MUC5AC: variants seen among roughly 807,000 people sequenced by gnomAD.
MUC5AC encodes mucin-5AC.
A neutral mutation model predicts 169.7 loss-of-function variants in MUC5AC; 158 were observed. The observed-to-expected ratio is 0.93, with a 90% CI of 0.82 to 1.06. The LOEUF (loss-of-function observed/expected upper bound fraction) is 1.06. Ranked by LOEUF, MUC5AC falls within the 50% of genes least tolerant of loss-of-function variation. The pLI, the probability that MUC5AC is intolerant of heterozygous loss-of-function variation, is 0.00. For missense variants in MUC5AC, 4,359 were observed against 3,089.9 expected (o/e 1.41, Z -9.74); for synonymous variants, 1,975 against 1,237.0 (o/e 1.60, Z -12.52).
In MUC5AC at chr11:1,184,795, C is replaced by T. The variant is rs1860891346; in HGVS notation, c.6650C>T (p.Pro2217Leu). 53 of 655,532 alleles carry T rather than the reference C, an allele frequency of 8.1e-5. No homozygotes were observed. In the South Asian group the frequency reaches 9.1e-4, roughly 11 times the overall value. The allele number at this position is 655,532 out of a possible 1,614,324, so 40.6% of individuals were successfully genotyped here. ...YEVRVLCCET[P>L]KGCPVTSTPV... Reference sequence around the variant, plus strand: ...GTGCGTGTGCTCTGCTGCGAGACCCCCAAAGGCTGCCCCGTGACCTCCACA... The same window carrying T: ...GTGCGTGTGCTCTGCTGCGAGACCCTCAAAGGCTGCCCCGTGACCTCCACA... The change falls in exon 31 of 49, where the codon CCC becomes CTC. Residue 2217 changes from proline (P) to leucine (L), a missense_variant. Coordinates refer to ENST00000621226, the MANE Select transcript of MUC5AC (RefSeq NM_001304359.2).
rs1844749283 is a variant in MUC5AC at position 1,194,885 on chromosome 11, G to A, written c.15191-127G>A. The A allele has an allele frequency of 4.8e-6, 3 of 621,744 alleles. No homozygotes were observed. In the Admixed American group the frequency reaches 7.6e-5, roughly 16 times the overall value. 38.5% of individuals were successfully genotyped at this position (621,744 alleles called of 1,614,324 possible). A position where few individuals can be genotyped will look rare whatever the true frequency, so the allele number is the denominator to read the frequency against. Reference sequence around the variant, plus strand: ...AGGGTTGTTCTCGGGGGACAGTGAGGCACAGGCAGGGCCCGCTGCAGTTCA... The same window carrying A: ...AGGGTTGTTCTCGGGGGACAGTGAGACACAGGCAGGGCCCGCTGCAGTTCA... On this transcript the variant is annotated intron_variant, in intron 35 of 48. Transcript: ENST00000621226.
At position 1,187,543 on chromosome 11, in the gene MUC5AC, C is replaced by A. The variant is rs1554928265; in HGVS notation, c.9398C>A (p.Thr3133Asn). ...TPSPIPTTSTTSPPTTSTTSA... is the reference protein window; with the variant it reads ...TPSPIPTTSTNSPPTTSTTSA... ...AGCCCTATTCCTACCACCAGCACAA[C>A]CTCTCCTCCTACAACCAGCACAACT... The change falls in exon 31 of 49, where the codon ACC becomes AAC. Residue 3133 changes from threonine to asparagine, a missense_variant. Coordinates refer to ENST00000621226, the MANE Select transcript of MUC5AC (RefSeq NM_001304359.2). 1 of 751,304 alleles carries A rather than the reference C, an allele frequency of 1.3e-6. No homozygotes were observed. Among genetic ancestry groups the A allele is most frequent in the Non-Finnish European group, 2.4e-6 (1 of 411,412 alleles). 46.5% of individuals were successfully genotyped at this position (751,304 alleles called of 1,614,324 possible). A position where few individuals can be genotyped will look rare whatever the true frequency, so the allele number is the denominator to read the frequency against.
At chr11:1,167,587 C>T (rs1002681917) in intron 11 of MUC5AC, among the ~76,000 whole-genome samples, 5 of 152,234 alleles carry the variant, frequency 3.3e-5, no homozygotes, top group South Asian at 4.1e-4. Flanking sequence ...ACCCCTCTCT[C>T]GCCCAGCCCC....
rs1483058837 is a variant in MUC5AC, at chr11:1,190,355, T to C, written c.12210T>C (p.Pro4070=). The part of the protein sequence containing the change: ...TSTPVTAPST[P]SGRATSPTQS... ...CACCTGTGACAGCTCCTAGCACCCC[T>C]AGTGGGAGAGCCACCAGCCCAACTC... The change falls in exon 31 of 49, where the codon CCT becomes CCC. Residue 4070 remains proline (P), a synonymous_variant. Coordinates refer to ENST00000621226, the MANE Select transcript of MUC5AC (RefSeq NM_001304359.2). 1.5e-6 allele frequency: 1 copy of C among 655,578 alleles called. No homozygotes were observed. The highest frequency in any genetic ancestry group is 2.3e-5 in the Admixed American group (1 of 43,444). 40.6% of individuals were successfully genotyped at this position (655,578 alleles called of 1,614,324 possible).
Position 1,200,518 on chromosome 11 carries a change from TG to T in MUC5AC, c.16782del (p.His5595ThrfsTer153). 1.3e-6 allele frequency: 1 copy of T among 759,376 alleles called. No homozygotes were observed. The highest frequency in any genetic ancestry group is 2.4e-5 in the East Asian group (1 of 40,854). The allele number at this position is 759,376 out of a possible 1,614,324, so 47.0% of individuals were successfully genotyped here. A position where few individuals can be genotyped will look rare whatever the true frequency, so the allele number is the denominator to read the frequency against. On this transcript the variant is annotated frameshift_variant, in exon 49 of 49. Coordinates refer to ENST00000621226, the MANE Select transcript of MUC5AC (RefSeq NM_001304359.2). LOFTEE classifies it low-confidence loss of function (END_TRUNC). ...CGGACCTCGCTGAGGAATGTGACCCTGCACTGCACCGACGGCTCCAGCCGGG... is the reference window on the plus strand; with the variant it reads ...CGGACCTCGCTGAGGAATGTGACCCTCACTGCACCGACGGCTCCAGCCGGG... ...ELRTSLRNVTLHCTDGSSRAF... is the reference protein window; with the variant it reads ...ELRTSLRNVTXHCTDGSSRAF...
At chr11:1,166,535 C>T (rs1860340283) in intron 11 of MUC5AC, among the ~76,000 whole-genome samples, 1 of 127,796 alleles carries the variant, frequency 7.8e-6, no homozygotes. Flanking sequence ...CACGATGAGA[C>T]CCTGCACCCA....
chr11:1,158,531 G>A (rs991150272), intron 1 of MUC5AC, among the ~76,000 whole-genome samples: 1 of 152,158 alleles, frequency 6.6e-6, no homozygotes, highest in African/African-American at 2.4e-5. Flanking sequence ...CCTGCGGGGG[G>A]AGGTCTCAGC....
intron 42 of MUC5AC, 44 bp from the exon 43 acceptor site, chr11:1,198,224 G>T: frequency 2.7e-6 from 2 of 731,250 alleles, no homozygotes; most frequent in Non-Finnish European, 5.0e-6. Context: ...GGTGAGGGGA[G>T]AGTGGGCGGC....
At chr11:1,158,975 A>T (rs1048703689) in intron 1 of MUC5AC, among the ~76,000 whole-genome samples, 1 of 152,140 alleles carries the variant, frequency 6.6e-6, no homozygotes, top group Non-Finnish European at 1.5e-5. Flanking sequence ...TACCACCCTC[A>T]TCTCAGAAGC....
chr11:1,180,319 G>T (rs1590142997), intron 27 of MUC5AC, 35 bp from the exon 28 acceptor site: 1 of 398,598 alleles, frequency 2.5e-6, no homozygotes, highest in African/African-American at 2.1e-5. Flanking sequence ...GACGACACTC[G>T]GTCTGGTTGT....
rs1860154278 is a variant in MUC5AC, at chr11:1,161,979, A to G, written c.284A>G (p.Asp95Gly). Reference protein sequence around the residue: ...GSFHYKTFDGDVFRFPGLCNY... With the variant: ...GSFHYKTFDGGVFRFPGLCNY... The stretch of plus-strand genomic sequence containing the variant: ...TTCCACTACAAGACCTTCGACGGCG[A>G]CGTCTTCCGCTTCCCCGGCCTCTGC... Residue 95 changes from aspartate (D) to glycine (G), a missense_variant, in exon 4 of 49, where the codon GAC becomes GGC. Coordinates refer to ENST00000621226, the MANE Select transcript of MUC5AC (RefSeq NM_001304359.2). 6.2e-7 allele frequency: 1 copy of G among 1,612,262 alleles called. No individual in the cohort carries two copies. The highest frequency in any genetic ancestry group is 8.5e-7 in the Non-Finnish European group (1 of 1,179,746).
intron 6 of MUC5AC, among the ~76,000 whole-genome samples, chr11:1,163,530 G>C (rs754070015): frequency 6.6e-6 from 1 of 152,188 alleles, no homozygotes; most frequent in Non-Finnish European, 1.5e-5. Context: ...CTCAGTGCTG[G>C]GGGGGCTGGG....
rs201544030 is a variant in MUC5AC at position 1,165,343 on chromosome 11, G to A, written c.1171G>A (p.Val391Met). The A allele has an allele frequency of 6.2e-7, 1 of 1,612,400 alleles. No homozygotes were observed. The highest frequency in any genetic ancestry group is 1.1e-5 in the South Asian group (1 of 91,074). ...CATCGGCCAGACCGGCTGTGTCCCTGTGTCAAAGTGTGCCTGCGTCTACAA... is the reference window on the plus strand; with the variant it reads ...CATCGGCCAGACCGGCTGTGTCCCTATGTCAAAGTGTGCCTGCGTCTACAA... ...DDIGQTGCVPVSKCACVYNGA... is the reference protein window; with the variant it reads ...DDIGQTGCVPMSKCACVYNGA... The change falls in exon 10 of 49, where the codon GTG becomes ATG. Residue 391 changes from valine to methionine, a missense_variant. Coordinates refer to ENST00000621226, the MANE Select transcript of MUC5AC (RefSeq NM_001304359.2).
chr11:1,158,751 G>A lies in MUC5AC; in HGVS notation c.73+679G>A, dbSNP rs145379448. Among the ~76,000 whole-genome samples, 622 of 152,264 alleles carry A rather than the reference G, an allele frequency of 4.1e-3. 15 individuals carry two copies. Among genetic ancestry groups the A allele is most frequent in the Non-Finnish European group, 9.1e-4 (62 of 68,000 alleles). ...CATGGGGTAATGCCGGGGTTTGGAGGGGGGTGGGTGCTCCTGGGCTCCTGG... is the reference window on the plus strand; with the variant it reads ...CATGGGGTAATGCCGGGGTTTGGAGAGGGGTGGGTGCTCCTGGGCTCCTGG... On this transcript the variant is annotated intron_variant, in intron 1 of 48. Transcript: ENST00000621226.
Position 1,198,276 on chromosome 11 carries a change from G to C in MUC5AC, c.16144G>C (p.Val5382Leu), listed in dbSNP as rs75338404. 1.7e-5 allele frequency: 13 copies of C among 755,236 alleles called. No homozygotes were observed. The highest frequency in any genetic ancestry group is 6.9e-5 in the Admixed American group (4 of 57,660). The allele number at this position is 755,236 out of a possible 1,614,324, so 46.8% of individuals were successfully genotyped here. A position where few individuals can be genotyped will look rare whatever the true frequency, so the allele number is the denominator to read the frequency against. Residue 5382 changes from valine (V) to leucine (L), a missense_variant, in exon 43 of 49, where the codon GTG (valine) becomes CTG (leucine). Transcript: ENST00000621226. ...CCPVQNCSWTVCSINGTLYQP... is the reference protein window; with the variant it reads ...CCPVQNCSWTLCSINGTLYQP... The stretch of plus-strand genomic sequence containing the variant: ...TGTCTTCTCGTGGGCAGGCTGGACA[G>C]TGTGCAGCATCAACGGGACCCTGTA...
At position 1,191,640 on chromosome 11, in the gene MUC5AC, TC is replaced by T. The variant is rs1861102348; in HGVS notation, c.13496del (p.Ser4499LeufsTer186). ...TTSAPTTSTT[S>X]ASTASTTSGP... is the part of the protein sequence containing the mutation. Reference sequence around the variant, plus strand: ...CTCTGCTCCTACAACCAGCACAACCTCTGCCTCTACAGCCAGCACAACCTCT... The same window carrying T: ...CTCTGCTCCTACAACCAGCACAACCTTGCCTCTACAGCCAGCACAACCTCT... On this transcript the variant is annotated frameshift_variant, in exon 31 of 49. Coordinates refer to ENST00000621226, the MANE Select transcript of MUC5AC (RefSeq NM_001304359.2). LOFTEE classifies it high-confidence loss of function. 1 of 470,164 alleles carries T rather than the reference TC, an allele frequency of 2.1e-6. No homozygotes were observed. Among genetic ancestry groups the T allele is most frequent in the African/African-American group, 3.8e-5 (1 of 26,626 alleles). 29.1% of individuals were successfully genotyped at this position (470,164 alleles called of 1,614,324 possible). A position where few individuals can be genotyped will look rare whatever the true frequency, so the allele number is the denominator to read the frequency against.
chr11:1,168,558 G>A lies in MUC5AC; in HGVS notation c.1567+6G>A. On this transcript the variant is annotated splice_donor_region_variant and intron_variant, in intron 13 of 48. Coordinates refer to ENST00000621226, the MANE Select transcript of MUC5AC (RefSeq NM_001304359.2). The stretch of plus-strand genomic sequence containing the variant: ...CCAGCTGCCCATCTCTGCAGGTGAG[G>A]GCAGTGGCTTCTTCCCCACCCCGGG... 3 of 1,612,608 alleles carry A rather than the reference G, an allele frequency of 1.9e-6. No individual in the cohort carries two copies. Among genetic ancestry groups the A allele is most frequent in the Non-Finnish European group, 2.5e-6 (3 of 1,179,808 alleles).
chr11:1,200,172 C>A (rs762165595), intron 48 of MUC5AC, among the ~76,000 whole-genome samples: 2 of 152,222 alleles, frequency 1.3e-5, no homozygotes, highest in Non-Finnish European at 2.9e-5. Flanking sequence ...GTCGGCATCA[C>A]GCTCTCCTGT....
Position 1,192,190 on chromosome 11 carries a change from C to G in MUC5AC, c.14045C>G (p.Pro4682Arg). The G allele has an allele frequency of 1.3e-6, 1 of 765,096 alleles. No homozygotes were observed. The allele number at this position is 765,096 out of a possible 1,614,324, so 47.4% of individuals were successfully genotyped here. ...TRLQCRAESHPEVNIEHLGQV... is the reference protein window; with the variant it reads ...TRLQCRAESHREVNIEHLGQV... ...CTCCAGTGCCGAGCCGAGAGCCACC[C>G]GGAGGTGAACATTGAACACCTGGGT... Residue 4682 changes from proline to arginine, a missense_variant, in exon 31 of 49, where the codon CCG (proline) becomes CGG (arginine). Physicochemically the swap from Pro to Arg is moderately radical, Grantham distance 103. Coordinates refer to ENST00000621226, the MANE Select transcript of MUC5AC (RefSeq NM_001304359.2).
Sources: gnomAD v4.1 joint callset for allele counts (sites outside exome capture counted in the v4.1 genomes callset) on GRCh38, gnomAD v4.1.1 for gene constraint, MANE v1.5 for transcripts, NCBI Gene and HGNC (gene_info 2026-07-23, HGNC 2026-07-21) for gene names.